Variants in GSE1 observed in about 807,000 individuals in gnomAD.
GSE1 encodes Gse1 coiled-coil protein, also known as genetic suppressor element 1.
GSE1 carries 32 observed loss-of-function variants against 112.6 expected under a neutral mutation model. The observed-to-expected ratio is 0.28, with a 90% confidence interval of 0.21 to 0.38. GSE1 has a LOEUF of 0.38. GSE1 is among the 10% of genes least tolerant of loss of function. GSE1 has a pLI of 1.00. For synonymous variants in GSE1, 1,115 were observed against 735.6 expected, an observed-to-expected ratio of 1.52 and a Z score of -8.35; for missense variants, 2,348 against 1,699.2, an observed-to-expected ratio of 1.38 and a Z score of -6.71.
chr16:85,257,856 C>T (rs780233386), intron 1 of GSE1, among the ~76,000 whole-genome samples: 2 of 152,232 alleles, frequency 1.3e-5, no homozygotes, highest in African/African-American at 2.4e-5. Context: ...GATTGAGTAT[C>T]TCCCTGAGTA....
intron 8 of GSE1, among the ~76,000 whole-genome samples, chr16:85,658,658 C>T (rs111360671): frequency 1.8e-4 from 28 of 152,324 alleles, no homozygotes; most frequent in Non-Finnish European, 3.8e-4. Flanking sequence ...CCGGCACGGC[C>T]GAAGTGAGAT....
At chr16:85,613,532 G>A in intron 1 of GSE1, 134 bp downstream of exon 1, 1 of 838,896 alleles carries the variant, frequency 1.2e-6, no homozygotes, top group Non-Finnish European at 1.8e-6. Context: ...TGTTAGCGGC[G>A]ATAAGAGCCG....
chr16:85,458,853 T>C (rs2049902563), intron 2 of GSE1, among the ~76,000 whole-genome samples: 1 of 152,154 alleles, frequency 6.6e-6, no homozygotes, highest in African/African-American at 2.4e-5. Flanking sequence ...GCCTCCTCTT[T>C]CTACTGCTAA....
chr16:85,659,274 G>A (rs2052230407), intron 8 of GSE1: 3 of 152,418 alleles, frequency 2.0e-5, no homozygotes, highest in African/African-American at 4.8e-5. Flanking sequence ...TGTGCCTGCT[G>A]TGGCCTCTGC....
At chr16:85,505,899 G>A (rs1212617623) in intron 2 of GSE1, among the ~76,000 whole-genome samples, 4 of 152,036 alleles carry the variant, frequency 2.6e-5, no homozygotes, top group Admixed American at 2.6e-4. Flanking sequence ...GATGAGCCCA[G>A]GAGGTCAAGG....
At chr16:85,174,662 G>A (rs945758542) in intron 1 of GSE1, among the ~76,000 whole-genome samples, 1 of 152,240 alleles carries the variant, frequency 6.6e-6, no homozygotes, top group South Asian at 2.1e-4. Flanking sequence ...CACATGAGGA[G>A]TGGAGGGAAG....
chr16:85,299,885 C>G (rs1276542385), intron 1 of GSE1, among the ~76,000 whole-genome samples: 4 of 149,712 alleles, frequency 2.7e-5, no homozygotes, highest in African/African-American at 9.9e-5. Context: ...TCTGTGAGCT[C>G]TGATCCCACC....
chr16:85,672,345 T>C (rs1413717780), intron 15 of GSE1, 60 bp from the exon 16 acceptor site: 5 of 1,332,122 alleles, frequency 3.8e-6, no homozygotes, highest in Admixed American at 3.4e-5. Flanking sequence ...GTTTGTACTC[T>C]ACATGCTTGT....
intron 1 of GSE1, among the ~76,000 whole-genome samples, chr16:85,332,402 C>T (rs928661759): frequency 3.9e-5 from 6 of 152,322 alleles, no homozygotes; most frequent in South Asian, 2.1e-4. Context: ...ACTGAATCCT[C>T]CAGCAACCCT....
chr16:85,595,277 C>A (rs2047174749), intron 1 of GSE1: 1 of 152,284 alleles, frequency 6.6e-6, no homozygotes, highest in Non-Finnish European at 1.5e-5. Context: ...TCTTTATTAC[C>A]TGGGGTCTTC....
intron 2 of GSE1, among the ~76,000 whole-genome samples, chr16:85,503,933 A>C (rs144530034): frequency 6.6e-6 from 1 of 152,334 alleles, no homozygotes; most frequent in Non-Finnish European, 1.5e-5. Context: ...GCAGTGCGGA[A>C]GATAGATGGT....
At chr16:85,294,379 G>A (rs570529998) in intron 1 of GSE1, among the ~76,000 whole-genome samples, 6 of 152,318 alleles carry the variant, frequency 3.9e-5, no homozygotes, top group Admixed American at 2.6e-4. Context: ...TGAGTGACTC[G>A]TGCAGGCCCT....
chr16:85,246,221 A>G (rs1352976076), intron 1 of GSE1, among the ~76,000 whole-genome samples: 2 of 142,098 alleles, frequency 1.4e-5, no homozygotes, highest in African/African-American at 2.6e-5. Context: ...ACACACACAC[A>G]CACACACACA....
At chr16:85,243,084 A>G (rs564257933) in intron 1 of GSE1, among the ~76,000 whole-genome samples, 2 of 152,304 alleles carry the variant, frequency 1.3e-5, no homozygotes, top group East Asian at 3.9e-4. Context: ...AAGTGCTGGG[A>G]TTACAGGCAT....
chr16:85,253,796 T>C (rs929483065), intron 1 of GSE1, among the ~76,000 whole-genome samples: 23 of 142,696 alleles, frequency 1.6e-4, no homozygotes, highest in African/African-American at 5.6e-4. Flanking sequence ...GCTGTGGGCT[T>C]GGAGGCTGCT....
At chr16:85,485,834 G>A (rs968953736) in intron 2 of GSE1, among the ~76,000 whole-genome samples, 7 of 152,262 alleles carry the variant, frequency 4.6e-5, no homozygotes, top group East Asian at 1.9e-4. Flanking sequence ...TACCCAACCC[G>A]GGCCCCAGGT....
chr16:85,670,800 T>G (rs1033047900), intron 14 of GSE1, 195 bp from the exon 15 acceptor site: 5 of 435,652 alleles, frequency 1.1e-5, no homozygotes, highest in African/African-American at 8.2e-5. Flanking sequence ...GTATTGGGCT[T>G]AATTTAGTGA....
intron 1 of GSE1, among the ~76,000 whole-genome samples, chr16:85,189,500 G>T (rs187917684): frequency 2.0e-5 from 3 of 152,306 alleles, no homozygotes; most frequent in African/African-American, 7.2e-5. Flanking sequence ...AGTGAAAATG[G>T]GAGGTTAGGG....
At chr16:85,222,660 A>G (rs1040300737) in intron 1 of GSE1, among the ~76,000 whole-genome samples, 4 of 152,186 alleles carry the variant, frequency 2.6e-5, no homozygotes, top group African/African-American at 9.7e-5. Flanking sequence ...TCCAACACAA[A>G]TGAAGTCCAG....
Sources: gnomAD v4.1 joint callset for allele counts (sites outside exome capture counted in the v4.1 genomes callset) on GRCh38, gnomAD v4.1.1 for gene constraint, MANE v1.5 for transcripts, NCBI Gene and HGNC (gene_info 2026-07-23, HGNC 2026-07-21) for gene names.